MEMO1: variants seen among roughly 807,000 people sequenced by gnomAD.
MEMO1 encodes mediator of cell motility 1, also known as protein MEMO1.
Under a neutral mutation model 45.2 loss-of-function variants are expected in MEMO1, and 6 were observed. That is an observed-to-expected ratio of 0.13 (90% CI 0.07 to 0.26). The LOEUF (loss-of-function observed/expected upper bound fraction) is 0.26. MEMO1 is among the 10% of genes least tolerant of loss of function. The probability of loss-of-function intolerance (pLI) is 1.00; values close to 1 mark genes in which losing one functional copy is unlikely to be tolerated. For synonymous variants in MEMO1, 78 were observed against 124.3 expected (o/e 0.63, Z 2.48); for missense variants, 184 against 370.5 (o/e 0.50, Z 4.13).
At chr2:31,973,316 T>C (rs893052533) in intron 2 of MEMO1, among the ~76,000 whole-genome samples, 2 of 152,092 alleles carry the variant, frequency 1.3e-5, no homozygotes, top group Admixed American at 6.6e-5. Context: ...TAGCCATGTG[T>C]GGTGGCGGGT....
At position 31,998,989 on chromosome 2, in the gene MEMO1, A is replaced by G. The variant is rs1672943066; in HGVS notation, c.61+11198T>C. On this transcript the variant is annotated intron_variant, in intron 2 of 9. Transcript: ENST00000404530. ...AACTTGTTCCTCTTAGATCTTCCCT[A>G]TCTCAGTATAATAGCAACTCCATCA... 5.9e-5 allele frequency among the ~76,000 whole-genome samples: 9 copies of G among 152,256 alleles called. No individual in the cohort carries two copies. In the South Asian group the frequency reaches 1.9e-3, roughly 32 times the overall value.
At chr2:32,001,334 C>G (rs934262609) in intron 2 of MEMO1, among the ~76,000 whole-genome samples, 1 of 151,912 alleles carries the variant, frequency 6.6e-6, no homozygotes, top group African/African-American at 2.4e-5. Flanking sequence ...CCATCGCACC[C>G]GGCAGAAGTG....
At chr2:31,951,444 G>T (rs1666832155) in intron 2 of MEMO1, among the ~76,000 whole-genome samples, 1 of 151,112 alleles carries the variant, frequency 6.6e-6, no homozygotes, top group African/African-American at 2.4e-5. Context: ...ATCAGCATTT[G>T]GGAACCACTG....
intron 2 of MEMO1, among the ~76,000 whole-genome samples, chr2:31,965,752 T>G (rs1668540643): frequency 1.3e-5 from 2 of 152,134 alleles, no homozygotes; most frequent in African/African-American, 4.8e-5. Context: ...TTCTCACTTA[T>G]AAGTAGGAGC....
intron 2 of MEMO1, among the ~76,000 whole-genome samples, chr2:31,943,836 C>G (rs1665894905): frequency 6.6e-6 from 1 of 152,138 alleles, no homozygotes; most frequent in African/African-American, 2.4e-5. Flanking sequence ...CCACTCCAGT[C>G]CCCTATTCTC....
intron 3 of MEMO1, among the ~76,000 whole-genome samples, chr2:31,938,677 GA>G (rs1411703717): frequency 6.6e-6 from 1 of 151,168 alleles, no homozygotes; most frequent in Non-Finnish European, 1.5e-5. Context: ...TAAAAACTAA[GA>G]AAAGCAAGTA....
At chr2:31,935,045 A>C (rs138673941) in intron 3 of MEMO1, among the ~76,000 whole-genome samples, 2 of 152,204 alleles carry the variant, frequency 1.3e-5, no homozygotes, top group Non-Finnish European at 2.9e-5. Flanking sequence ...GGCATCTTCT[A>C]TGTACTTCAA....
chr2:31,892,198 T>C, intron 6 of MEMO1, 64 bp from the exon 7 acceptor site: 1 of 1,431,738 alleles, frequency 7.0e-7, no homozygotes, highest in Non-Finnish European at 9.6e-7. Context: ...TTTCCAAATG[T>C]GTTGGCATTA....
chr2:31,917,936 C>T lies in MEMO1; in HGVS notation c.427G>A (p.Ala143Thr), dbSNP rs760510469. Residue 143 changes from alanine to threonine, a missense_variant, in exon 6 of 10, where the codon GCC (alanine) becomes ACC (threonine). Physicochemically the swap from Ala to Thr is moderately conservative, Grantham distance 58. This residue lies in a region of MEMO1 where 97 missense variants were observed against 209.3 expected (regional missense o/e 0.46). Transcript: ENST00000404530. ...TATCAATCAATATACCTTTCCATGGCTTTAGCTGTATAAGGCAAATGCATT... is the reference window on the plus strand; with the variant it reads ...TATCAATCAATATACCTTTCCATGGTTTTAGCTGTATAAGGCAAATGCATT... ...IEMHLPYTAK[A>T]MESHKDEFTI... is the part of the protein sequence containing the mutation. The T allele has an allele frequency of 9.4e-6, 15 of 1,600,892 alleles. No individual in the cohort carries two copies. The highest frequency in any genetic ancestry group is 1.3e-5 in the Non-Finnish European group (15 of 1,173,098).
chr2:31,883,362 A>C, intron 8 of MEMO1, 24 bp downstream of exon 8: 2 of 1,505,934 alleles, frequency 1.3e-6, no homozygotes, highest in Non-Finnish European at 1.8e-6. Flanking sequence ...TAGAGCATTA[A>C]AATCCCACAC....
intron 2 of MEMO1, among the ~76,000 whole-genome samples, chr2:31,946,312 G>C (rs1428301871): frequency 1.3e-5 from 2 of 151,830 alleles, no homozygotes; most frequent in Non-Finnish European, 2.9e-5. Context: ...CTGTCCTTCT[G>C]TATATATTTA....
At chr2:31,935,352 C>A (rs924520920) in intron 3 of MEMO1, among the ~76,000 whole-genome samples, 6 of 152,066 alleles carry the variant, frequency 3.9e-5, no homozygotes, top group African/African-American at 1.4e-4. Flanking sequence ...TAAAACTACA[C>A]GAAAGGATGA....
At chr2:31,981,277 A>G (rs2148501917) in intron 2 of MEMO1, among the ~76,000 whole-genome samples, 1 of 152,286 alleles carries the variant, frequency 6.6e-6, no homozygotes, top group South Asian at 2.1e-4. Context: ...TGGTTTCCTC[A>G]ATGACTGCCC....
At chr2:31,995,048 A>G (rs897831490) in intron 2 of MEMO1, among the ~76,000 whole-genome samples, 3 of 152,128 alleles carry the variant, frequency 2.0e-5, no homozygotes, top group Non-Finnish European at 4.4e-5. Context: ...ACCAATAAAC[A>G]GGAAGAAAAA....
intron 2 of MEMO1, among the ~76,000 whole-genome samples, chr2:32,000,618 G>C (rs919317607): frequency 6.6e-6 from 1 of 151,492 alleles, no homozygotes; most frequent in African/African-American, 2.4e-5. Context: ...CGCCCTCCTC[G>C]GCCTCCCAAA....
chr2:31,959,186 T>C (rs183480934), intron 2 of MEMO1, among the ~76,000 whole-genome samples: 345 of 152,292 alleles, frequency 2.3e-3, no homozygotes, highest in African/African-American at 7.6e-3. Flanking sequence ...AGTAAGAGTG[T>C]GAGCCTTAAG....
intron 6 of MEMO1, among the ~76,000 whole-genome samples, chr2:31,907,786 A>AACACAC (rs3065385): frequency 0.038 from 5,523 of 145,342 alleles, 119 homozygotes; most frequent in African/African-American, 0.046. Flanking sequence ...CCGTGTCTTA[A>AACACAC]ACACACACAC....
At chr2:31,885,086 A>G (rs1031286276) in intron 7 of MEMO1, among the ~76,000 whole-genome samples, 19 of 152,148 alleles carry the variant, frequency 1.2e-4, no homozygotes, top group Non-Finnish European at 2.2e-4. Context: ...TAACAATGAG[A>G]ATTATCTAAT....
At chr2:31,944,673 CCTT>C (rs1031777833) in intron 2 of MEMO1, among the ~76,000 whole-genome samples, 11 of 152,262 alleles carry the variant, frequency 7.2e-5, no homozygotes, top group Admixed American at 7.2e-4. Context: ...CCAATTCTTC[CCTT>C]TTTTACTTTA....
Sources: allele counts gnomAD v4.1 joint callset (sites outside exome capture counted in the v4.1 genomes callset), GRCh38; gene constraint gnomAD v4.1.1; regional missense constraint gnomAD v4.1.1; transcripts MANE v1.5; gene names NCBI Gene and HGNC (gene_info 2026-07-23, HGNC 2026-07-21).